ADAMTSL1: variants seen among roughly 807,000 people sequenced by gnomAD.
ADAMTSL1 encodes ADAMTS-like protein 1.
A neutral mutation model predicts 201.8 loss-of-function variants in ADAMTSL1; 126 were observed. The observed-to-expected ratio is 0.62, with a 90% CI of 0.54 to 0.72. The LOEUF (loss-of-function observed/expected upper bound fraction) is 0.72, where lower values mean the gene tolerates loss of function less well. ADAMTSL1 is among the 30% of genes least tolerant of loss of function. ADAMTSL1 has a pLI of 0.00. For synonymous variants in ADAMTSL1, 1,121 were observed against 903.4 expected, an observed-to-expected ratio of 1.24 and a Z score of -4.32; for missense variants, 2,679 against 2,277.8, an observed-to-expected ratio of 1.18 and a Z score of -3.59.
At chr9:18,045,068 G>C (rs1275497906) in intron 1 of ADAMTSL1, among the ~76,000 whole-genome samples, 2 of 152,088 alleles carry the variant, frequency 1.3e-5, no homozygotes, top group African/African-American at 4.8e-5. Context: ...CCTTCTGTTA[G>C]CTTATGTATC....
intron 1 of ADAMTSL1, among the ~76,000 whole-genome samples, chr9:18,033,420 A>T (rs1821060064): frequency 6.6e-6 from 1 of 152,224 alleles, no homozygotes; most frequent in Admixed American, 6.5e-5. Flanking sequence ...AAAGTTTACT[A>T]AGTTGCTGTA....
At chr9:18,892,173 C>T (rs938878371) in intron 25 of ADAMTSL1, among the ~76,000 whole-genome samples, 1 of 152,254 alleles carries the variant, frequency 6.6e-6, no homozygotes, top group African/African-American at 2.4e-5. Flanking sequence ...CTGGAAAGAA[C>T]CTTGCCACAT....
intron 1 of ADAMTSL1, among the ~76,000 whole-genome samples, chr9:18,005,086 C>A (rs546726555): frequency 6.6e-6 from 1 of 152,030 alleles, no homozygotes; most frequent in African/African-American, 2.4e-5. Context: ...CGTGCTCTGA[C>A]GGTAGCTTAC....
intron 2 of ADAMTSL1, among the ~76,000 whole-genome samples, chr9:18,268,031 A>T (rs1166242903): frequency 6.6e-6 from 1 of 152,168 alleles, no homozygotes; most frequent in East Asian, 1.9e-4. Flanking sequence ...TTTAATTAGG[A>T]AAGATTGATT....
chr9:18,702,523 C>G (rs1315741975), intron 13 of ADAMTSL1, among the ~76,000 whole-genome samples: 1 of 152,012 alleles, frequency 6.6e-6, no homozygotes, highest in Non-Finnish European at 1.5e-5. Flanking sequence ...GGTAATTACT[C>G]TAATTAAAGA....
chr9:18,359,275 TCCATCTTTTCCATTCTTCTGCCC>T (rs1197968266), intron 2 of ADAMTSL1, among the ~76,000 whole-genome samples: 14 of 152,242 alleles, frequency 9.2e-5, no homozygotes, highest in South Asian at 2.1e-4. Flanking sequence ...CCCTTCAGCC[TCCATCTTTTCCATTCTTCTGCCC>T]CCATCTTTTC....
intron 2 of ADAMTSL1, among the ~76,000 whole-genome samples, chr9:18,513,568 A>T (rs1818169673): frequency 6.6e-6 from 1 of 152,192 alleles, no homozygotes; most frequent in African/African-American, 2.4e-5. Context: ...GATCATTGCC[A>T]AATCAATATT....
At chr9:18,792,536 A>T (rs995457554) in intron 19 of ADAMTSL1, among the ~76,000 whole-genome samples, 2 of 152,200 alleles carry the variant, frequency 1.3e-5, no homozygotes, top group Non-Finnish European at 2.9e-5. Context: ...GGAACTTAGC[A>T]TATTTTAATT....
intron 2 of ADAMTSL1, among the ~76,000 whole-genome samples, chr9:18,339,817 A>T (rs1835395450): frequency 6.6e-6 from 1 of 151,942 alleles, no homozygotes; most frequent in Admixed American, 6.6e-5. Context: ...TGTCTTCAAG[A>T]TTGTCTCATT....
chr9:18,862,201 G>C (rs1336780446), intron 23 of ADAMTSL1, among the ~76,000 whole-genome samples: 1 of 152,208 alleles, frequency 6.6e-6, no homozygotes, highest in Non-Finnish European at 1.5e-5. Context: ...AATGAAATGG[G>C]ATGTAGACAG....
chr9:18,878,401 C>T (rs1391017086), intron 23 of ADAMTSL1, among the ~76,000 whole-genome samples: 1 of 152,246 alleles, frequency 6.6e-6, no homozygotes, highest in Non-Finnish European at 1.5e-5. Flanking sequence ...GCAGCTCTCT[C>T]CAAGGACCCC....
intron 23 of ADAMTSL1, among the ~76,000 whole-genome samples, chr9:18,871,825 C>T (rs540973809): frequency 6.6e-6 from 1 of 152,254 alleles, no homozygotes; most frequent in African/African-American, 2.4e-5. Context: ...TACAGACTCT[C>T]TAAAGCTAGT....
intron 15 of ADAMTSL1, among the ~76,000 whole-genome samples, chr9:18,736,790 G>A (rs1818521736): frequency 1.3e-5 from 2 of 152,158 alleles, no homozygotes; most frequent in Non-Finnish European, 2.9e-5. Flanking sequence ...ATCCTCAAAT[G>A]TGTAAAATTA....
intron 2 of ADAMTSL1, among the ~76,000 whole-genome samples, chr9:18,305,648 C>G (rs1034579938): frequency 3.7e-4 from 57 of 152,224 alleles, no homozygotes; most frequent in African/African-American, 1.4e-3. Context: ...AGCCAGACTA[C>G]CTGTCTAGAT....
chr9:18,898,474 A>G (rs186939063), intron 26 of ADAMTSL1, among the ~76,000 whole-genome samples: 62 of 152,360 alleles, frequency 4.1e-4, no homozygotes, highest in Admixed American at 1.1e-3. Flanking sequence ...TAGAGAAAAA[A>G]GAATGGAAAG....
intron 15 of ADAMTSL1, chr9:18,723,221 A>G (rs1817655316): frequency 1.5e-6 from 1 of 659,872 alleles, no homozygotes; most frequent in Non-Finnish European, 2.8e-6. Flanking sequence ...ATGATTCTTT[A>G]TTTTGTAGGC....
chr9:18,759,669 G>A (rs978902986), intron 16 of ADAMTSL1, among the ~76,000 whole-genome samples: 1 of 152,166 alleles, frequency 6.6e-6, no homozygotes, highest in Non-Finnish European at 1.5e-5. Context: ...CTTCACATGT[G>A]GTTGTTTTTG....
intron 4 of ADAMTSL1, among the ~76,000 whole-genome samples, chr9:18,619,694 A>G (rs968303319): frequency 1.3e-5 from 2 of 152,184 alleles, no homozygotes; most frequent in African/African-American, 2.4e-5. Flanking sequence ...TTTCATGATT[A>G]TCTCCTTTGG....
At chr9:18,304,664 G>A (rs551724940) in intron 2 of ADAMTSL1, among the ~76,000 whole-genome samples, 1 of 150,028 alleles carries the variant, frequency 6.7e-6, no homozygotes, top group Admixed American at 6.6e-5. Context: ...TTTTTTTTAG[G>A]ACTATGCTTT....
Sources: gnomAD v4.1 joint callset for allele counts (sites outside exome capture counted in the v4.1 genomes callset) on GRCh38, gnomAD v4.1.1 for gene constraint, MANE v1.5 for transcripts, NCBI Gene and HGNC (gene_info 2026-07-23, HGNC 2026-07-21) for gene names.